ARHGEF38: variants seen among roughly 807,000 people sequenced by gnomAD.
ARHGEF38 encodes Rho guanine nucleotide exchange factor (GEF) 38.
Under a neutral mutation model 79.9 loss-of-function variants are expected in ARHGEF38, and 79 were observed. The ratio of observed to expected loss-of-function variants is 0.99; its 90% CI spans 0.82 to 1.19. The LOEUF is 1.19. Ranked by LOEUF, ARHGEF38 falls within the 50% of genes most tolerant of loss-of-function variation. ARHGEF38 has a pLI of 0.00. For missense variants in ARHGEF38, 962 were observed against 907.2 expected (o/e 1.06, Z -0.78); for synonymous variants, 366 against 328.3 (o/e 1.11, Z -1.24).
chr4:105,626,379 C>T (rs1728947659), intron 3 of ARHGEF38, among the ~76,000 whole-genome samples: 3 of 152,160 alleles, frequency 2.0e-5, no homozygotes, highest in Admixed American at 1.3e-4. Context: ...TGAGCATTTG[C>T]ATGTGCCAGC....
intron 2 of ARHGEF38, among the ~76,000 whole-genome samples, chr4:105,605,972 G>A (rs1198270267): frequency 6.6e-6 from 1 of 151,958 alleles, no homozygotes; most frequent in Admixed American, 6.6e-5. Context: ...CCACCTTACT[G>A]CAGTCTCAAT....
At chr4:105,573,775 T>C (rs1726351427) in intron 1 of ARHGEF38, among the ~76,000 whole-genome samples, 1 of 152,110 alleles carries the variant, frequency 6.6e-6, no homozygotes, top group African/African-American at 2.4e-5. Context: ...AATTGGAATT[T>C]TGATAAAGAT....
chr4:105,661,394 A>G (rs534516529), intron 10 of ARHGEF38, among the ~76,000 whole-genome samples: 1 of 151,900 alleles, frequency 6.6e-6, no homozygotes, highest in South Asian at 2.1e-4. Flanking sequence ...TTGAAAAACA[A>G]CCAGACTGTT....
chr4:105,635,341 T>C (rs1028792851), intron 4 of ARHGEF38, among the ~76,000 whole-genome samples: 1 of 152,094 alleles, frequency 6.6e-6, no homozygotes, highest in East Asian at 1.9e-4. Flanking sequence ...TTTATCCTAC[T>C]GGAAAATCTC....
chr4:105,563,132 T>C (rs1725719525), intron 1 of ARHGEF38, among the ~76,000 whole-genome samples: 1 of 152,160 alleles, frequency 6.6e-6, no homozygotes, highest in Admixed American at 6.6e-5. Context: ...AATTTATCCC[T>C]TCCTTTAAGG....
At chr4:105,653,048 G>C (rs1207396638) in intron 7 of ARHGEF38, among the ~76,000 whole-genome samples, 1 of 152,088 alleles carries the variant, frequency 6.6e-6, no homozygotes, top group Non-Finnish European at 1.5e-5. Context: ...ATTTTGCCAG[G>C]ATGAGGCTGG....
intron 2 of ARHGEF38, among the ~76,000 whole-genome samples, chr4:105,595,277 A>C (rs940469058): frequency 6.6e-5 from 10 of 152,160 alleles, no homozygotes; most frequent in Non-Finnish European, 1.5e-4. Flanking sequence ...TTTCTATAAC[A>C]AGAAAGTTAT....
At chr4:105,627,298 T>C (rs1728987270) in intron 3 of ARHGEF38, among the ~76,000 whole-genome samples, 1 of 152,156 alleles carries the variant, frequency 6.6e-6, no homozygotes, top group South Asian at 2.1e-4. Context: ...TTACCCTTGT[T>C]TACTTACCTG....
intron 13 of ARHGEF38, among the ~76,000 whole-genome samples, chr4:105,672,285 A>C (rs1457262173): frequency 1.3e-5 from 2 of 152,194 alleles, no homozygotes; most frequent in Non-Finnish European, 2.9e-5. Flanking sequence ...CTAAAATGTT[A>C]GAAATCACTG....
At chr4:105,620,379 G>A (rs1428640622) in intron 3 of ARHGEF38, among the ~76,000 whole-genome samples, 2 of 152,252 alleles carry the variant, frequency 1.3e-5, no homozygotes, top group African/African-American at 4.8e-5. Context: ...GGAAACTGGA[G>A]GCAATAGTAC....
intron 2 of ARHGEF38, among the ~76,000 whole-genome samples, chr4:105,597,640 G>T (rs1429145328): frequency 6.6e-6 from 1 of 152,186 alleles, no homozygotes; most frequent in African/African-American, 2.4e-5. Context: ...ACTCAGTGGA[G>T]TTAAGGTATT....
chr4:105,630,823 C>G, intron 3 of ARHGEF38, 75 bp from the exon 4 acceptor site: 1 of 1,353,520 alleles, frequency 7.4e-7, no homozygotes, highest in Non-Finnish European at 1.0e-6. Context: ...CACGAGTCGA[C>G]ATTGTTGAAA....
chr4:105,634,204 C>T (rs896322992), intron 4 of ARHGEF38, among the ~76,000 whole-genome samples: 1 of 152,214 alleles, frequency 6.6e-6, no homozygotes, highest in East Asian at 1.9e-4. Context: ...AAGTTAAGAA[C>T]TAAATTAGTG....
intron 2 of ARHGEF38, among the ~76,000 whole-genome samples, chr4:105,607,950 T>C (rs1179705788): frequency 6.6e-6 from 1 of 151,790 alleles, no homozygotes; most frequent in Non-Finnish European, 1.5e-5. Context: ...ACTATTTTTG[T>C]CCAGTTAGGC....
At position 105,552,671 on chromosome 4, in the gene ARHGEF38, A is replaced by C; in HGVS notation, c.-95A>C. ...AAGCGGTTTAGTTAGAAGGGAGCAG[A>C]TAAACTCGTCACTCTAGTAGCTTTA... is the stretch of plus-strand genomic sequence containing the variant. On this transcript the variant is annotated 5_prime_UTR_variant, in exon 1 of 14. Transcript: ENST00000420470. 9.7e-7 allele frequency: 1 copy of C among 1,029,326 alleles called. No individual in the cohort carries two copies. The highest frequency in any genetic ancestry group is 2.6e-5 in the Admixed American group (1 of 37,908). 63.8% of individuals were successfully genotyped at this position (1,029,326 alleles called of 1,614,324 possible). A position where few individuals can be genotyped will look rare whatever the true frequency, so the allele number is the denominator to read the frequency against.
intron 2 of ARHGEF38, among the ~76,000 whole-genome samples, chr4:105,593,283 T>C (rs933783564): frequency 3.3e-5 from 5 of 152,032 alleles, no homozygotes; most frequent in Admixed American, 2.6e-4. Context: ...ACACCTGTAA[T>C]CCCAGCACTT....
At chr4:105,622,229 C>T (rs1728765173) in intron 3 of ARHGEF38, among the ~76,000 whole-genome samples, 1 of 152,116 alleles carries the variant, frequency 6.6e-6, no homozygotes, top group Admixed American at 6.6e-5. Context: ...AGTGGCTTAG[C>T]TGTGCCAGGA....
At position 105,677,944 on chromosome 4, in the gene ARHGEF38, A is replaced by G. The variant is rs1241526269; in HGVS notation, c.*7A>G. 6.7e-7 allele frequency: 1 copy of G among 1,491,350 alleles called. No homozygotes were observed. Among genetic ancestry groups the G allele is most frequent in the Non-Finnish European group, 8.9e-7 (1 of 1,118,306 alleles). 92.4% of individuals were successfully genotyped at this position (1,491,350 alleles called of 1,614,324 possible). On this transcript the variant is annotated 3_prime_UTR_variant, in exon 14 of 14. Transcript: ENST00000420470. ...AAAGATGACTTATGCTTAAGAAAAT[A>G]AGCCTTCAACTTTTATTTTCCAGCA...
At chr4:105,570,646 G>A (rs901313358) in intron 1 of ARHGEF38, among the ~76,000 whole-genome samples, 1 of 152,144 alleles carries the variant, frequency 6.6e-6, no homozygotes, top group African/African-American at 2.4e-5. Context: ...CAGCAGCCTA[G>A]GGGTAACCAT....
Sources: allele counts gnomAD v4.1 joint callset (sites outside exome capture counted in the v4.1 genomes callset), GRCh38; gene constraint gnomAD v4.1.1; transcripts MANE v1.5; gene names NCBI Gene and HGNC (gene_info 2026-07-23, HGNC 2026-07-21).